FN1: variants seen among roughly 807,000 people sequenced by gnomAD.
The protein encoded by FN1 is fibronectin.
In FN1, 106 loss-of-function variants were observed where a neutral mutation model predicts 297.3. The observed-to-expected ratio is 0.36, with a 90% CI of 0.30 to 0.42. FN1 has a LOEUF of 0.42. FN1 is among the 10% of genes least tolerant of loss of function. The probability of loss-of-function intolerance (pLI) is 1.00; values close to 1 mark genes in which losing one functional copy is unlikely to be tolerated. For synonymous variants in FN1, 1,149 were observed against 1,152.6 expected, an observed-to-expected ratio of 1.00 and a Z score of 0.06; for missense variants, 2,690 against 3,124.9, an observed-to-expected ratio of 0.86 and a Z score of 3.32.
intron 24 of FN1, 28 bp downstream of exon 24, chr2:215,394,500 T>A: frequency 6.4e-7 from 1 of 1,569,704 alleles, no homozygotes; most frequent in Non-Finnish European, 8.8e-7. Context: ...AGTGTCACTC[T>A]CAGGATAGCA....
intron 12 of FN1, among the ~76,000 whole-genome samples, chr2:215,417,804 C>G (rs2063658647): frequency 6.6e-6 from 1 of 152,140 alleles, no homozygotes. Flanking sequence ...TCCTTCCTTT[C>G]CAGATTTTAT....
In FN1 at chr2:215,430,805, C is replaced by T; in HGVS notation, c.595G>A (p.Glu199Lys). The T allele has an allele frequency of 4.3e-6, 7 of 1,614,158 alleles. No homozygotes were observed. Among genetic ancestry groups the T allele is most frequent in the Non-Finnish European group, 5.9e-6 (7 of 1,180,006 alleles). The change falls in exon 5 of 46, where the codon GAA becomes AAA. Residue 199 changes from glutamate to lysine, a missense_variant. Transcript: ENST00000354785. ...CCTTGGTAGGGCTTCTCCCACGTTT[C>T]TCCGACCACATAGGAAGTCCCAGCA... ...HAAGTSYVVG[E>K]TWEKPYQGWM... is the part of the protein sequence containing the mutation.
At chr2:215,417,719 T>G (rs1279887826) in intron 12 of FN1, among the ~76,000 whole-genome samples, 1 of 152,156 alleles carries the variant, frequency 6.6e-6, no homozygotes, top group East Asian at 1.9e-4. Flanking sequence ...ACCTCTATGC[T>G]CAGTGGGATC....
chr2:215,366,816 C>T (rs1037920942), intron 42 of FN1, among the ~76,000 whole-genome samples: 1 of 149,642 alleles, frequency 6.7e-6, no homozygotes, highest in Non-Finnish European at 1.5e-5. Context: ...AGGTAATAAA[C>T]ATACAAACTT....
In FN1 at chr2:215,423,164, T is replaced by C. The variant is rs974833976; in HGVS notation, c.1393+186A>G. Among the ~76,000 whole-genome samples, 6 of 144,982 alleles carry C rather than the reference T, an allele frequency of 4.1e-5. 1 individual carries two copies. The South Asian group carries it at 1.3e-3, about 31-fold the overall frequency. On this transcript the variant is annotated intron_variant, in intron 9 of 45. Coordinates refer to ENST00000354785, the MANE Select transcript of FN1 (RefSeq NM_212482.4). ...ATCTAATTATTCTTCCCAATCCTTA[T>C]GTATATGATGTAACATCACACACAC...
Position 215,370,489 on chromosome 2 carries a change from G to T in FN1, c.6715-57C>A. On this transcript the variant is annotated intron_variant, in intron 40 of 45. Transcript: ENST00000354785. Reference sequence around the variant, plus strand: ...AAAGCATTATAGTGAGGAATGACACGGGCTCTCCTCTTACCAATAACCCTC... The same window carrying T: ...AAAGCATTATAGTGAGGAATGACACTGGCTCTCCTCTTACCAATAACCCTC... 7 of 1,448,214 alleles carry T rather than the reference G, an allele frequency of 4.8e-6. No homozygotes were observed. In the South Asian group the frequency reaches 8.0e-5, roughly 17 times the overall value. The allele number at this position is 1,448,214 out of a possible 1,614,324, so 89.7% of individuals were successfully genotyped here. A position where few individuals can be genotyped will look rare whatever the true frequency, so the allele number is the denominator to read the frequency against.
chr2:215,371,661 A>G (rs1261224566), intron 40 of FN1, among the ~76,000 whole-genome samples: 1 of 145,612 alleles, frequency 6.9e-6, no homozygotes, highest in Non-Finnish European at 1.5e-5. Context: ...AGAGGTTCTA[A>G]AAGTGGAGCC....
intron 13 of FN1, among the ~76,000 whole-genome samples, chr2:215,411,909 C>T (rs1359729648): frequency 3.3e-5 from 5 of 152,080 alleles, no homozygotes; most frequent in Non-Finnish European, 5.9e-5. Flanking sequence ...CCTCGTGATC[C>T]GCCCACCTTG....
chr2:215,431,322 A>G (rs904331363), intron 4 of FN1, among the ~76,000 whole-genome samples: 2 of 152,266 alleles, frequency 1.3e-5, no homozygotes, highest in Non-Finnish European at 2.9e-5. Context: ...ACAAGTAAAC[A>G]GAGTAAAATT....
chr2:215,419,492 G>T, intron 11 of FN1, 107 bp from the exon 12 acceptor site: 1 of 960,596 alleles, frequency 1.0e-6, no homozygotes, highest in Non-Finnish European at 1.7e-6. Context: ...ATTTGCAATT[G>T]TTCTTACAAA....
In FN1 at chr2:215,394,626, G is replaced by T. The variant is rs765864571; in HGVS notation, c.3698C>A (p.Thr1233Asn). The T allele has an allele frequency of 6.2e-7, 1 of 1,614,100 alleles. No individual in the cohort carries two copies. Reference sequence around the variant, plus strand: ...CAGGCCGGGACTCAGGTTATCAAAAGTGCAGGAGCTCTGATCAGCATGGAC... The same window carrying T: ...CAGGCCGGGACTCAGGTTATCAAAATTGCAGGAGCTCTGATCAGCATGGAC... ...EVVHADQSSC[T>N]FDNLSPGLEY... The change falls in exon 24 of 46, where the codon ACT becomes AAT. Residue 1233 changes from threonine (T) to asparagine (N), a missense_variant. By Grantham distance (65) the Thr-to-Asn change is moderately conservative. Transcript: ENST00000354785.
At chr2:215,389,504 G>A (rs1362457415) in intron 26 of FN1, among the ~76,000 whole-genome samples, 1 of 152,004 alleles carries the variant, frequency 6.6e-6, no homozygotes, top group African/African-American at 2.4e-5. Flanking sequence ...ATCATAGAGT[G>A]TACCTACACA....
At chr2:215,428,383 C>A (rs2106489424) in intron 5 of FN1, 45 bp from the exon 6 acceptor site, 1 of 1,581,312 alleles carries the variant, frequency 6.3e-7, no homozygotes, top group Middle Eastern at 1.7e-4. Context: ...TCGAGAGTCG[C>A]AAGTGGTCAA....
At chr2:215,385,550 A>G (rs1423607422) in intron 28 of FN1, among the ~76,000 whole-genome samples, 1 of 143,408 alleles carries the variant, frequency 7.0e-6, no homozygotes, top group African/African-American at 2.6e-5. Context: ...CGACAGAGCA[A>G]GACTCCATTT....
At chr2:215,422,297 A>G in intron 9 of FN1, 54 bp from the exon 10 acceptor site, 1 of 1,531,044 alleles carries the variant, frequency 6.5e-7, no homozygotes, top group Non-Finnish European at 9.1e-7. Flanking sequence ...AGGTCTAAAC[A>G]TGTATGTGTG....
chr2:215,394,415 C>T (rs770800961), intron 24 of FN1, 113 bp downstream of exon 24: 254 of 956,540 alleles, frequency 2.7e-4, no homozygotes, highest in Non-Finnish European at 3.8e-4. Context: ...GCTGGGAGAT[C>T]GGAATTAAAT....
chr2:215,392,350 T>C (rs766072860), intron 25 of FN1: 5 of 181,440 alleles, frequency 2.8e-5, no homozygotes, highest in Non-Finnish European at 4.7e-5. Context: ...CTTTAAAATG[T>C]TGCATGCTTG....
At chr2:215,416,048 A>G (rs1310826489) in intron 12 of FN1, among the ~76,000 whole-genome samples, 1 of 152,174 alleles carries the variant, frequency 6.6e-6, no homozygotes, top group Non-Finnish European at 1.5e-5. Flanking sequence ...AAGTTTTCTG[A>G]AAGCTTCTAG....
chr2:215,376,709 T>C, intron 35 of FN1, 35 bp from the exon 36 acceptor site: 1 of 1,601,842 alleles, frequency 6.2e-7, no homozygotes, highest in East Asian at 2.2e-5. Context: ...TAGTGCCTGC[T>C]TGGCTCATCC....
Sources: allele counts gnomAD v4.1 joint callset (sites outside exome capture counted in the v4.1 genomes callset), GRCh38; gene constraint gnomAD v4.1.1; transcripts MANE v1.5; gene names NCBI Gene and HGNC (gene_info 2026-07-23, HGNC 2026-07-21).